Variants in TLN1 observed in about 807,000 individuals in gnomAD.
TLN1 encodes the protein talin 1, also known as talin-1.
A neutral mutation model predicts 292.3 loss-of-function variants in TLN1; 56 were observed. That is an observed-to-expected ratio of 0.19 (90% CI 0.15 to 0.24). The LOEUF (loss-of-function observed/expected upper bound fraction) is 0.24. Among genes scored for constraint, TLN1 ranks in the 10% least tolerant of loss-of-function variants. TLN1 has a pLI of 1.00. For missense variants in TLN1, 2,433 were observed against 3,248.2 expected, an observed-to-expected ratio of 0.75 and a Z score of 6.10; for synonymous variants, 1,119 against 1,253.7, an observed-to-expected ratio of 0.89 and a Z score of 2.27.
At position 35,704,559 on chromosome 9, in the gene TLN1, C is replaced by T. The variant is rs1825528175; in HGVS notation, c.5881-61G>A. On this transcript the variant is annotated intron_variant, in intron 44 of 56. Coordinates refer to ENST00000314888, the MANE Select transcript of TLN1 (RefSeq NM_006289.4). The surrounding 1 kb of genome is among the most constrained non-coding windows in gnomAD (Gnocchi z 6.9). ...TGCCATGTGAAATGGAAAGGTTGCC[C>T]ATGCCTGGGAGAAGTGACAACAGGA... 6.3e-7 allele frequency: 1 copy of T among 1,582,320 alleles called. No individual in the cohort carries two copies. Among genetic ancestry groups the T allele is most frequent in the Non-Finnish European group, 8.6e-7 (1 of 1,162,474 alleles).
At chr9:35,727,347 G>T (rs544261662) in intron 1 of TLN1, among the ~76,000 whole-genome samples, 2 of 152,314 alleles carry the variant, frequency 1.3e-5, no homozygotes, top group Admixed American at 6.5e-5. Context: ...GGGTAAAGAA[G>T]TTAGGAGAGA....
In TLN1 at chr9:35,710,785, G is replaced by A; in HGVS notation, c.4203+12C>T. 5 of 1,614,154 alleles carry A rather than the reference G, an allele frequency of 3.1e-6. No individual in the cohort carries two copies. The highest frequency in any genetic ancestry group is 4.2e-6 in the Non-Finnish European group (5 of 1,179,988). ...ACTGCCCTCTCTCCTCCGAGTTCCT[G>A]GCTGTGCTGACCTTTGAGTTCTCCA... On this transcript the variant is annotated intron_variant, in intron 32 of 56. Coordinates refer to ENST00000314888, the MANE Select transcript of TLN1 (RefSeq NM_006289.4).
chr9:35,723,977 G>T lies in TLN1; in HGVS notation c.757C>A (p.Gln253Lys). The T allele has an allele frequency of 6.2e-7, 1 of 1,614,104 alleles. No homozygotes were observed. Among genetic ancestry groups the T allele is most frequent in the African/African-American group, 1.3e-5 (1 of 75,030 alleles). The change falls in exon 7 of 57, where the codon CAG (glutamine) becomes AAG (lysine). Residue 253 changes from glutamine to lysine, a missense_variant. This residue lies in a region of TLN1 where 78 missense variants were observed against 88.8 expected (regional missense o/e 0.88). Transcript: ENST00000314888. ...CQIQFGPHNE[Q>K]KHKAGFLDLK... ...TCAAGGAAGCCAGCCTTGTGCTTCT[G>T]CTCATTGTGGGGCCCAAACTGGATC...
chr9:35,720,869 A>G lies in TLN1; in HGVS notation c.1149T>C (p.Thr383=), dbSNP rs1278236571. The change falls in exon 11 of 57, where the codon ACT becomes ACC. Residue 383 remains threonine (T), a synonymous_variant. Transcript: ENST00000314888. The part of the protein sequence containing the change: ...YQDGYYSVQT[T]EGEQIAQLIA... ...TGAGCTGTGCAATCTGCTCCCCTTCAGTTGTCTGTACTGAGTAATAGCCAT... is the reference window on the plus strand; with the variant it reads ...TGAGCTGTGCAATCTGCTCCCCTTCGGTTGTCTGTACTGAGTAATAGCCAT... 6.2e-7 allele frequency: 1 copy of G among 1,614,128 alleles called. No homozygotes were observed.
chr9:35,729,038 A>C (rs1587992878), intron 1 of TLN1, among the ~76,000 whole-genome samples: 1 of 143,568 alleles, frequency 7.0e-6, no homozygotes, highest in East Asian at 2.0e-4. Context: ...AAAAATAGAG[A>C]TAATAAAAAA....
rs1429308563 is a variant in TLN1, at chr9:35,717,275, C to T, written c.2329G>A (p.Ala777Thr). The T allele has an allele frequency of 1.2e-6, 2 of 1,614,154 alleles. No individual in the cohort carries two copies. Among genetic ancestry groups the T allele is most frequent in the South Asian group, 1.1e-5 (1 of 91,082 alleles). Residue 777 changes from alanine to threonine, a missense_variant, in exon 19 of 57, where the codon GCC becomes ACC. Transcript: ENST00000314888. The surrounding 1 kb of genome is among the most constrained non-coding windows in gnomAD (Gnocchi z 4.7). Reference protein sequence around the residue: ...VGAAATAVTQALNELLQHVKA... With the variant: ...VGAAATAVTQTLNELLQHVKA... ...ACATGCTGCAGCAGCTCATTTAGGG[C>T]CTGGGTGACAGCTGTGGCTGCTGCT...
In TLN1 at chr9:35,698,314, G is replaced by C; in HGVS notation, c.7371+9C>G. ...CCCAAGGGACAATGGGATGGGTCAGGGTTCTCACCTGAAGTCGTTTCATTG... is the reference window on the plus strand; with the variant it reads ...CCCAAGGGACAATGGGATGGGTCAGCGTTCTCACCTGAAGTCGTTTCATTG... On this transcript the variant is annotated intron_variant, in intron 55 of 56. Transcript: ENST00000314888. This position sits in a 1 kb window ranked among gnomAD's most constrained non-coding sequence, Gnocchi z 5.3. The C allele has an allele frequency of 6.2e-7, 1 of 1,613,840 alleles. No individual in the cohort carries two copies. The highest frequency in any genetic ancestry group is 1.1e-5 in the South Asian group (1 of 91,076).
Position 35,707,769 on chromosome 9 carries a change from C to T in TLN1, c.4594G>A (p.Val1532Met), listed in dbSNP as rs952442752. The T allele has an allele frequency of 6.2e-7, 1 of 1,614,034 alleles. No individual in the cohort carries two copies. The highest frequency in any genetic ancestry group is 8.5e-7 in the Non-Finnish European group (1 of 1,180,024). ...KRQFVQSAKEVANSTANLVKT... is the reference protein window; with the variant it reads ...KRQFVQSAKEMANSTANLVKT... ...ACAAGATTAGCTGTGCTGTTGGCCA[C>T]CTCCTTGGCTGACTGTACAAACTGG... Residue 1532 changes from valine to methionine, a missense_variant, in exon 35 of 57, where the codon GTG (valine) becomes ATG (methionine). This residue lies in a region of TLN1 where 1,384 missense variants were observed against 1,699.6 expected (regional missense o/e 0.81). Transcript: ENST00000314888. The surrounding 1 kb of genome is among the most constrained non-coding windows in gnomAD (Gnocchi z 5.6).
intron 1 of TLN1, among the ~76,000 whole-genome samples, chr9:35,726,777 T>C (rs2131911092): frequency 1.3e-5 from 2 of 152,312 alleles, no homozygotes; most frequent in African/African-American, 2.4e-5. Flanking sequence ...TCAGAAGTTA[T>C]CTGGTCAACT....
chr9:35,703,963 G>C (rs761906317), intron 46 of TLN1, 28 bp downstream of exon 46: 3 of 1,612,748 alleles, frequency 1.9e-6, no homozygotes, highest in Non-Finnish European at 2.5e-6. Flanking sequence ...AGTGATTCCA[G>C]CCGGAATTAG....
chr9:35,697,975 G>T, intron 56 of TLN1, 59 bp from the exon 57 acceptor site: 1 of 1,613,962 alleles, frequency 6.2e-7, no homozygotes, highest in Non-Finnish European at 8.5e-7. Context: ...GCATAGGGTA[G>T]TTGGGACCAG....
intron 48 of TLN1, 127 bp downstream of exon 48, chr9:35,703,433 T>C (rs1825503613): frequency 4.5e-6 from 4 of 893,204 alleles, no homozygotes; most frequent in Non-Finnish European, 7.2e-6. Context: ...AAAAAAAAAG[T>C]CTGGCGATAG....
chr9:35,700,173 T>A lies in TLN1; in HGVS notation c.6660+18A>T. On this transcript the variant is annotated intron_variant, in intron 49 of 56. Transcript: ENST00000314888. ...CTGGCCCAAAGCTGCCTCACGGAAATGCCTCAAGGATTTCTACCTTGCAAG... is the reference window on the plus strand; with the variant it reads ...CTGGCCCAAAGCTGCCTCACGGAAAAGCCTCAAGGATTTCTACCTTGCAAG... The A allele has an allele frequency of 6.3e-7, 1 of 1,593,596 alleles. No homozygotes were observed. Among genetic ancestry groups the A allele is most frequent in the Non-Finnish European group, 8.6e-7 (1 of 1,163,130 alleles).
At position 35,710,519 on chromosome 9, in the gene TLN1, G is replaced by C. The variant is rs1038457028; in HGVS notation, c.4326+42C>G. 4.4e-6 allele frequency: 7 copies of C among 1,589,476 alleles called. No homozygotes were observed. The African/African-American group carries it at 5.4e-5, about 12-fold the overall frequency. ...TCAGGCTGAGAGAAAATGGGGTAAA[G>C]AAAGTAGGGGCCATTCAAAGAACCC... On this transcript the variant is annotated intron_variant, in intron 33 of 56. Coordinates refer to ENST00000314888, the MANE Select transcript of TLN1 (RefSeq NM_006289.4).
At chr9:35,723,250 T>C (rs1331972444) in intron 7 of TLN1, 4 of 245,572 alleles carry the variant, frequency 1.6e-5, no homozygotes, top group South Asian at 4.6e-5. Context: ...TACAGGCATG[T>C]GCCACCACGC....
In TLN1 at chr9:35,706,525, T is replaced by C. The variant is rs977447305; in HGVS notation, c.5115A>G (p.Ala1705=). ...QEALHTQMLT[A]VQEISHLIEP... Reference sequence around the variant, plus strand: ...CAATGAGATGGGAGATCTCTTGGACTGCAGTGAGCATCTGAGTGTGCAAGG... The same window carrying C: ...CAATGAGATGGGAGATCTCTTGGACCGCAGTGAGCATCTGAGTGTGCAAGG... The change falls in exon 39 of 57, where the codon GCA becomes GCG. Residue 1705 remains alanine (A), a synonymous_variant. Transcript: ENST00000314888. The surrounding 1 kb of genome is among the most constrained non-coding windows in gnomAD (Gnocchi z 4.2). The C allele has an allele frequency of 1.2e-6, 2 of 1,614,090 alleles. No homozygotes were observed. The highest frequency in any genetic ancestry group is 1.7e-6 in the Non-Finnish European group (2 of 1,179,996).
chr9:35,716,696 C>T lies in TLN1; in HGVS notation c.2459-140G>A, dbSNP rs922873335. 5 of 910,550 alleles carry T rather than the reference C, an allele frequency of 5.5e-6. No homozygotes were observed. In the African/African-American group the frequency reaches 6.8e-5, roughly 12 times the overall value. 56.4% of individuals were successfully genotyped at this position (910,550 alleles called of 1,614,324 possible). On this transcript the variant is annotated intron_variant, in intron 19 of 56. Coordinates refer to ENST00000314888, the MANE Select transcript of TLN1 (RefSeq NM_006289.4). The stretch of plus-strand genomic sequence containing the variant: ...AAAAAGAGACTGGCAAAAGCTCTTG[C>T]ATCATTTCTTTGGGGCTATTTTTTT...
chr9:35,708,250 C>G, intron 34 of TLN1, 91 bp downstream of exon 34: 1 of 1,454,976 alleles, frequency 6.9e-7, no homozygotes, highest in African/African-American at 1.4e-5. Context: ...GGGTCCCTGC[C>G]CTCTTTCCCA....
Position 35,717,415 on chromosome 9 carries a change from G to A in TLN1, c.2189C>T (p.Pro730Leu). The A allele has an allele frequency of 6.2e-7, 1 of 1,613,714 alleles. No individual in the cohort carries two copies. Residue 730 changes from proline to leucine, a missense_variant, in exon 19 of 57, where the codon CCT (proline) becomes CTT (leucine). Transcript: ENST00000314888. This position sits in a 1 kb window ranked among gnomAD's most constrained non-coding sequence, Gnocchi z 4.7. The part of the protein sequence containing the change: ...TKVVAPTISS[P>L]VCQEQLVEAG... Reference sequence around the variant, plus strand: ...CTCCACCAGTTGCTCTTGGCAGACAGGTGAGCTGATTGTAGGTGCCACCAC... The same window carrying A: ...CTCCACCAGTTGCTCTTGGCAGACAAGTGAGCTGATTGTAGGTGCCACCAC...
Sources: gnomAD v4.1 joint callset for allele counts (sites outside exome capture counted in the v4.1 genomes callset) on GRCh38, gnomAD v4.1.1 for gene constraint, gnomAD v4.1.1 regional missense constraint, Gnocchi (gnomAD v3.1) non-coding constraint, MANE v1.5 for transcripts, NCBI Gene and HGNC (gene_info 2026-07-23, HGNC 2026-07-21) for gene names.